Variants in C4orf51 observed in about 807,000 individuals in gnomAD.
C4orf51 encodes chromosome 4 open reading frame 51.
Under a neutral mutation model 25.2 loss-of-function variants are expected in C4orf51, and 25 were observed. That is an observed-to-expected ratio of 0.99 (90% CI 0.72 to 1.39). The LOEUF is 1.39. Ranked by LOEUF, C4orf51 falls within the 40% of genes most tolerant of loss-of-function variation. The pLI, the probability that C4orf51 is intolerant of heterozygous loss-of-function variation, is 0.00. For synonymous variants in C4orf51, 100 were observed against 84.5 expected, an observed-to-expected ratio of 1.18 and a Z score of -1.01; for missense variants, 252 against 239.6, an observed-to-expected ratio of 1.05 and a Z score of -0.34.
At chr4:145,721,601 T>C (rs1475144756) in intron 2 of C4orf51, among the ~76,000 whole-genome samples, 1 of 152,202 alleles carries the variant, frequency 6.6e-6, no homozygotes, top group East Asian at 1.9e-4. Context: ...GTTAAATGTG[T>C]TTGCCGGAAG....
At chr4:145,705,631 C>T (rs1256967811) in intron 2 of C4orf51, among the ~76,000 whole-genome samples, 7 of 152,104 alleles carry the variant, frequency 4.6e-5, no homozygotes, top group Non-Finnish European at 5.9e-5. Context: ...TGGTGAAAGC[C>T]GTATCCAACC....
intron 2 of C4orf51, among the ~76,000 whole-genome samples, chr4:145,715,765 C>T (rs537125328): frequency 6.6e-6 from 1 of 152,284 alleles, no homozygotes; most frequent in Non-Finnish European, 1.5e-5. Flanking sequence ...TTCCATTTGC[C>T]TACTAAAGGG....
At chr4:145,781,195 C>CAAA in the C4orf51 span, among the ~76,000 whole-genome samples, 39 of 56,538 alleles carry the variant, frequency 6.9e-4, no homozygotes, top group South Asian at 1.1e-3. Flanking sequence ...GACACCATCT[C>CAAA]AAAAAAAAAA....
chr4:145,753,208 G>A (rs1733778892), intron 1 of C4orf51, among the ~76,000 whole-genome samples: 1 of 150,988 alleles, frequency 6.6e-6, no homozygotes, highest in Non-Finnish European at 1.5e-5. Flanking sequence ...TTCTGGTGGG[G>A]GAAAAAGAGG....
At chr4:145,724,307 C>T (rs991897013) in intron 2 of C4orf51, among the ~76,000 whole-genome samples, 3 of 151,976 alleles carry the variant, frequency 2.0e-5, no homozygotes, top group South Asian at 2.1e-4. Context: ...ACTTCTTATC[C>T]GTCTGCTTTT....
chr4:145,734,918 G>A (rs1477363932), downstream of C4orf51, among the ~76,000 whole-genome samples: 1 of 152,146 alleles, frequency 6.6e-6, no homozygotes, highest in Non-Finnish European at 1.5e-5. Context: ...CAGGATGATC[G>A]TCAACTTTTC....
downstream of C4orf51, among the ~76,000 whole-genome samples, chr4:145,754,586 A>G (rs1379271283): frequency 1.3e-5 from 2 of 152,146 alleles, no homozygotes; most frequent in East Asian, 3.9e-4. Context: ...TGTTTAAGCC[A>G]CCCTCAAGAC....
intron 1 of C4orf51, among the ~76,000 whole-genome samples, chr4:145,748,820 G>A (rs567634271): frequency 6.6e-6 from 1 of 152,116 alleles, no homozygotes; most frequent in East Asian, 1.9e-4. Flanking sequence ...TTCATGTACT[G>A]AGGAGAAGAA....
intron 5 of C4orf51, among the ~76,000 whole-genome samples, chr4:145,730,876 G>C (rs867525466): frequency 6.6e-6 from 1 of 152,196 alleles, no homozygotes; most frequent in Admixed American, 6.5e-5. Flanking sequence ...GATGACCCAC[G>C]CTGGTTCCCA....
At chr4:145,792,095 G>C in the C4orf51 span, among the ~76,000 whole-genome samples, 1 of 152,162 alleles carries the variant, frequency 6.6e-6, no homozygotes, top group Non-Finnish European at 1.5e-5. Context: ...TCTATGAGAT[G>C]GTGACCTCGT....
intron 2 of C4orf51, among the ~76,000 whole-genome samples, chr4:145,715,852 C>G (rs1313678914): frequency 6.6e-6 from 1 of 152,140 alleles, no homozygotes; most frequent in African/African-American, 2.4e-5. Context: ...TCTTCCAAAG[C>G]AAACATTTTT....
chr4:145,690,879 G>A (rs560103342), intron 1 of C4orf51, among the ~76,000 whole-genome samples: 8 of 152,086 alleles, frequency 5.3e-5, no homozygotes, highest in Non-Finnish European at 1.2e-4. Context: ...GGCAGGAAGA[G>A]GACTGTTTGT....
At chr4:145,766,093 C>T (rs1735252418) in intron 1 of C4orf51, among the ~76,000 whole-genome samples, 1 of 152,178 alleles carries the variant, frequency 6.6e-6, no homozygotes, top group Non-Finnish European at 1.5e-5. Flanking sequence ...CTGTGTGGCA[C>T]AACTGTTATC....
At chr4:145,747,391 T>C (rs1265263953) in intron 1 of C4orf51, among the ~76,000 whole-genome samples, 3 of 52,528 alleles carry the variant, frequency 5.7e-5, no homozygotes, top group Admixed American at 1.6e-4. Flanking sequence ...TTTTTTGAGG[T>C]TTTTTTTTTT....
At chr4:145,685,723 T>C (rs1158979621) in intron 1 of C4orf51, among the ~76,000 whole-genome samples, 1 of 152,188 alleles carries the variant, frequency 6.6e-6, no homozygotes, top group African/African-American at 2.4e-5. Context: ...CTTGTGGATT[T>C]CATTTCTGCC....
intron 1 of C4orf51, among the ~76,000 whole-genome samples, chr4:145,751,329 C>T (rs891605946): frequency 2.0e-5 from 3 of 152,244 alleles, no homozygotes; most frequent in Non-Finnish European, 4.4e-5. Context: ...GTGTTGTGAT[C>T]TAATTTGTAT....
At chr4:145,744,082 T>A (rs1733235846) in intron 1 of C4orf51, among the ~76,000 whole-genome samples, 2 of 152,238 alleles carry the variant, frequency 1.3e-5, no homozygotes, top group Non-Finnish European at 2.9e-5. Context: ...TGTATCTTAT[T>A]TATTTCCATT....
chr4:145,755,480 T>C (rs947061083), downstream of C4orf51, among the ~76,000 whole-genome samples: 1 of 152,238 alleles, frequency 6.6e-6, no homozygotes, highest in Non-Finnish European at 1.5e-5. Flanking sequence ...CAGGGGAATA[T>C]AGCAATTGGT....
At chr4:145,772,602 A>C (rs1388964825), downstream of C4orf51, among the ~76,000 whole-genome samples, 4 of 152,220 alleles carry the variant, frequency 2.6e-5, no homozygotes, top group Non-Finnish European at 5.9e-5. Flanking sequence ...TCAACAGCCG[A>C]GTTGAGTAGT....
Sources: allele counts gnomAD v4.1 joint callset (sites outside exome capture counted in the v4.1 genomes callset), GRCh38; gene constraint gnomAD v4.1.1; transcripts MANE v1.5; gene names NCBI Gene and HGNC (gene_info 2026-07-23, HGNC 2026-07-21).